NLGN1: variants seen among roughly 807,000 people sequenced by gnomAD.
The protein encoded by NLGN1 is neuroligin-1.
In NLGN1, 12 loss-of-function variants were observed where a neutral mutation model predicts 65.5. That is an observed-to-expected ratio of 0.18 (90% CI 0.12 to 0.30). The LOEUF (loss-of-function observed/expected upper bound fraction) is 0.30, where lower values mean the gene tolerates loss of function less well. NLGN1 is among the 10% of genes least tolerant of loss of function. The pLI, the probability that NLGN1 is intolerant of heterozygous loss-of-function variation, is 1.00. For missense variants in NLGN1, 750 were observed against 1,007.1 expected (o/e 0.74, Z 3.46); for synonymous variants, 350 against 359.5 (o/e 0.97, Z 0.30).
chr3:173,984,303 G>A (rs1164873054), intron 4 of NLGN1, among the ~76,000 whole-genome samples: 1 of 152,100 alleles, frequency 6.6e-6, no homozygotes, highest in Admixed American at 6.6e-5. Context: ...GAGTTTTGTT[G>A]AGATGCTTTA....
chr3:173,744,056 A>G (rs1483761832), intron 3 of NLGN1, among the ~76,000 whole-genome samples: 1 of 152,166 alleles, frequency 6.6e-6, no homozygotes, highest in South Asian at 2.1e-4. Flanking sequence ...ACATAAAGAT[A>G]TAACATGATA....
intron 4 of NLGN1, among the ~76,000 whole-genome samples, chr3:173,997,012 G>T (rs1458552825): frequency 1.3e-5 from 2 of 152,064 alleles, no homozygotes; most frequent in East Asian, 3.9e-4. Context: ...ATATTAGTGA[G>T]TGAGTAAATC....
At chr3:174,261,974 G>A (rs910639326) in intron 4 of NLGN1, among the ~76,000 whole-genome samples, 2 of 145,874 alleles carry the variant, frequency 1.4e-5, no homozygotes, top group Non-Finnish European at 3.0e-5. Context: ...CTGTTTATAT[G>A]CTGGATTACA....
chr3:173,852,631 T>C (rs1177396780), intron 4 of NLGN1, among the ~76,000 whole-genome samples: 2 of 152,144 alleles, frequency 1.3e-5, no homozygotes, highest in African/African-American at 2.4e-5. Context: ...ATTTGTTGTA[T>C]CACAATTAAT....
chr3:173,870,657 C>T (rs1731000997), intron 4 of NLGN1, among the ~76,000 whole-genome samples: 1 of 152,166 alleles, frequency 6.6e-6, no homozygotes, highest in Non-Finnish European at 1.5e-5. Flanking sequence ...CATTCTCCTT[C>T]TGAGTTTCTT....
chr3:173,562,581 TA>T (rs1742929828), intron 2 of NLGN1, among the ~76,000 whole-genome samples: 2 of 151,498 alleles, frequency 1.3e-5, no homozygotes, highest in Admixed American at 6.6e-5. Context: ...AAAAAGACAA[TA>T]AGTAACTTTA....
At chr3:174,110,400 A>T (rs1714928399) in intron 4 of NLGN1, among the ~76,000 whole-genome samples, 1 of 151,952 alleles carries the variant, frequency 6.6e-6, no homozygotes, top group African/African-American at 2.4e-5. Flanking sequence ...TTTTCAGGTA[A>T]GATTAGATAT....
chr3:174,239,120 G>T (rs1235669662), intron 4 of NLGN1, among the ~76,000 whole-genome samples: 1 of 151,286 alleles, frequency 6.6e-6, no homozygotes, highest in Non-Finnish European at 1.5e-5. Context: ...ACCCAGGCTG[G>T]AGTGCAGTGG....
intron 1 of NLGN1, among the ~76,000 whole-genome samples, chr3:173,402,308 A>G (rs929178783): frequency 6.6e-6 from 1 of 152,168 alleles, no homozygotes; most frequent in Non-Finnish European, 1.5e-5. Flanking sequence ...TAACATTGCT[A>G]TGGACGACCA....
chr3:173,511,552 CA>C (rs576330136), intron 2 of NLGN1, among the ~76,000 whole-genome samples: 228 of 152,314 alleles, frequency 1.5e-3, no homozygotes, highest in Admixed American at 3.5e-3. Context: ...ATTATTGCTT[CA>C]AATATTGCTT....
intron 3 of NLGN1, among the ~76,000 whole-genome samples, chr3:173,647,188 A>G (rs1439663376): frequency 6.6e-6 from 1 of 152,190 alleles, no homozygotes; most frequent in Non-Finnish European, 1.5e-5. Flanking sequence ...TTCAAAATAC[A>G]TAAATCAAAA....
Position 173,403,180 on chromosome 3 carries a change from T to A in NLGN1, c.-390+4693T>A, listed in dbSNP as rs930245406. Among the ~76,000 whole-genome samples, 10 of 152,282 alleles carry A rather than the reference T, an allele frequency of 6.6e-5. No individual in the cohort carries two copies. The South Asian group carries it at 1.0e-3, about 16-fold the overall frequency. On this transcript the variant is annotated intron_variant, in intron 1 of 6. Coordinates refer to ENST00000457714, the Ensembl canonical transcript of NLGN1. ...TTCATGATGTTACAGAGTTTTTTTTTAAAATAGAAACTGAATAATTGGAAA... is the reference window on the plus strand; with the variant it reads ...TTCATGATGTTACAGAGTTTTTTTTAAAAATAGAAACTGAATAATTGGAAA...
rs372089454 is a variant in NLGN1 at position 173,938,740 on chromosome 3, C to A, written c.646+130908C>A. ...CTCCAGATTAGAGGAGGCCCTTAGC[C>A]CCCCTCTTTTCTACTCTGCTTCTTA... On this transcript the variant is annotated intron_variant, in intron 4 of 6. Coordinates refer to ENST00000457714, the Ensembl canonical transcript of NLGN1. Among the ~76,000 whole-genome samples the A allele has an allele frequency of 1.1e-4, 16 of 151,964 alleles. No individual in the cohort carries two copies. In the East Asian group the frequency reaches 2.9e-3, roughly 28 times the overall value.
At chr3:174,272,032 T>A (rs532496703) in intron 4 of NLGN1, among the ~76,000 whole-genome samples, 1 of 151,814 alleles carries the variant, frequency 6.6e-6, no homozygotes, top group East Asian at 1.9e-4. Flanking sequence ...ACAAAAATAA[T>A]AATATGTCAA....
At position 173,947,256 on chromosome 3, in the gene NLGN1, C is replaced by T. The variant is rs541913604; in HGVS notation, c.646+139424C>T. ...AGGCTGGTCTCAAACTCCTTACCTC[C>T]GGTGATCTGCCCGCTTCAGCCTCCC... On this transcript the variant is annotated intron_variant, in intron 4 of 6. Coordinates refer to ENST00000457714, the Ensembl canonical transcript of NLGN1. Among the ~76,000 whole-genome samples the T allele has an allele frequency of 7.9e-5, 12 of 151,874 alleles. No homozygotes were observed. In the East Asian group the frequency reaches 2.1e-3, roughly 27 times the overall value.
At chr3:173,807,711 G>A in exon 4 of NLGN1, 1 of 1,613,786 alleles carries the variant, frequency 6.2e-7, no homozygotes, top group Non-Finnish European at 8.5e-7. Context: ...CCAAACCAGT[G>A]ATGGTGTATA....
chr3:173,542,372 T>A (rs1739037424), intron 2 of NLGN1, among the ~76,000 whole-genome samples: 1 of 152,040 alleles, frequency 6.6e-6, no homozygotes, highest in South Asian at 2.1e-4. Flanking sequence ...GAAGTTAACT[T>A]TTTTATTTGC....
At chr3:173,714,606 C>A (rs1042761826) in intron 3 of NLGN1, among the ~76,000 whole-genome samples, 1 of 151,956 alleles carries the variant, frequency 6.6e-6, no homozygotes, top group South Asian at 2.1e-4. Flanking sequence ...TAAGGGGAAC[C>A]CATTTATTTT....
chr3:174,254,481 T>C lies in NLGN1; in HGVS notation c.647-20834T>C, dbSNP rs182179723. The stretch of plus-strand genomic sequence containing the variant: ...AGACTTTTCTCTCTACCTGTGTTTC[T>C]AGATCATTTGTTGTAGAATACTTAC... On this transcript the variant is annotated intron_variant, in intron 4 of 6. Transcript: ENST00000457714. 1.6e-3 allele frequency among the ~76,000 whole-genome samples: 250 copies of C among 152,214 alleles called. 4 individuals are homozygous for C. The highest frequency in any genetic ancestry group is 5.1e-3 in the African/African-American group (210 of 41,540).
Sources: allele counts gnomAD v4.1 joint callset (sites outside exome capture counted in the v4.1 genomes callset), GRCh38; gene constraint gnomAD v4.1.1; transcripts MANE v1.5; gene names NCBI Gene and HGNC (gene_info 2026-07-23, HGNC 2026-07-21).